Variants in FER observed in about 807,000 individuals in gnomAD.
FER encodes the protein tyrosine-protein kinase Fer.
FER carries 63 observed loss-of-function variants against 111.0 expected under a neutral mutation model. That is an observed-to-expected ratio of 0.57 (90% CI 0.46 to 0.70). The LOEUF (loss-of-function observed/expected upper bound fraction) is 0.70. Ranked by LOEUF, FER falls within the 30% of genes least tolerant of loss-of-function variation. The pLI is 0.00. For missense variants in FER, 914 were observed against 954.0 expected (o/e 0.96, Z 0.55); for synonymous variants, 327 against 313.9 (o/e 1.04, Z -0.44).
intron 16 of FER, among the ~76,000 whole-genome samples, chr5:109,057,841 A>C (rs1419965149): frequency 6.6e-6 from 1 of 152,236 alleles, no homozygotes; most frequent in Non-Finnish European, 1.5e-5. Context: ...CCACTGAAAA[A>C]GTTGAAATTG....
intron 17 of FER, among the ~76,000 whole-genome samples, chr5:109,166,701 AC>A (rs1405696450): frequency 1.3e-5 from 2 of 152,178 alleles, no homozygotes; most frequent in African/African-American, 4.8e-5. Flanking sequence ...CTCAGGAATC[AC>A]TTTTGTAGCT....
Position 108,872,226 on chromosome 5 carries a change from A to G in FER, c.923+14A>G, listed in dbSNP as rs2150248717. 2 of 1,590,568 alleles carry G rather than the reference A, an allele frequency of 1.3e-6. No homozygotes were observed. The highest frequency in any genetic ancestry group is 4.5e-5 in the East Asian group (2 of 44,280). ...TTTGCAAGTAATGTAAGTATTCACA[A>G]AATATCAACAGTTTAAATACTAGTA... On this transcript the variant is annotated intron_variant, in intron 8 of 19. Coordinates refer to ENST00000281092, the MANE Select transcript of FER (RefSeq NM_005246.4).
intron 3 of FER, among the ~76,000 whole-genome samples, chr5:108,819,573 C>T (rs895435808): frequency 6.6e-6 from 1 of 152,002 alleles, no homozygotes; most frequent in African/African-American, 2.4e-5. Flanking sequence ...AAGAGAAGGC[C>T]TGCTGCGAGT....
chr5:109,018,020 G>C (rs1767423841), intron 13 of FER, among the ~76,000 whole-genome samples: 1 of 151,846 alleles, frequency 6.6e-6, no homozygotes, highest in East Asian at 1.9e-4. Context: ...TGTAATAGTA[G>C]GGAAAGAAAG....
chr5:108,993,817 C>G (rs1035486593), intron 13 of FER, among the ~76,000 whole-genome samples: 14 of 152,128 alleles, frequency 9.2e-5, no homozygotes, highest in Non-Finnish European at 1.8e-4. Context: ...TTGATAGTTG[C>G]CCTTCTGACT....
intron 2 of FER, among the ~76,000 whole-genome samples, chr5:108,787,988 A>G (rs1344043873): frequency 1.1e-4 from 17 of 152,208 alleles, no homozygotes; most frequent in African/African-American, 3.4e-4. Flanking sequence ...CTGTAACACG[A>G]GCACAGTAGA....
At chr5:109,034,281 A>G (rs1203887907) in intron 13 of FER, among the ~76,000 whole-genome samples, 1 of 152,162 alleles carries the variant, frequency 6.6e-6, no homozygotes, top group Non-Finnish European at 1.5e-5. Context: ...TTCAACTTTG[A>G]TATGACAGGC....
intron 1 of FER, among the ~76,000 whole-genome samples, chr5:108,764,559 G>A (rs1238264810): frequency 1.3e-5 from 2 of 151,816 alleles, no homozygotes; most frequent in Non-Finnish European, 2.9e-5. Flanking sequence ...CACCATGCCC[G>A]GCTGATTTTG....
intron 10 of FER, among the ~76,000 whole-genome samples, chr5:108,937,639 G>A (rs1031112366): frequency 4.6e-5 from 7 of 152,008 alleles, no homozygotes; most frequent in Middle Eastern, 3.4e-3. Context: ...TAGTCTGAGA[G>A]GTTGGAGGAT....
intron 13 of FER, among the ~76,000 whole-genome samples, chr5:109,024,262 C>T (rs985632973): frequency 1.3e-5 from 2 of 152,150 alleles, no homozygotes; most frequent in African/African-American, 2.4e-5. Flanking sequence ...TGGAATAGTA[C>T]ATAATACTCC....
chr5:108,820,828 A>G (rs1758759287), intron 3 of FER, among the ~76,000 whole-genome samples: 1 of 152,180 alleles, frequency 6.6e-6, no homozygotes, highest in Non-Finnish European at 1.5e-5. Flanking sequence ...GAAATACTTG[A>G]AATAACAGAG....
At chr5:108,862,916 T>G (rs1407305482) in intron 5 of FER, among the ~76,000 whole-genome samples, 1 of 152,042 alleles carries the variant, frequency 6.6e-6, no homozygotes, top group Non-Finnish European at 1.5e-5. Context: ...CAGGAGTTAG[T>G]GAACTTTTAC....
intron 5 of FER, among the ~76,000 whole-genome samples, chr5:108,866,472 T>TCTTGTTAA (rs1764075640): frequency 6.6e-6 from 1 of 151,914 alleles, no homozygotes; most frequent in Non-Finnish European, 1.5e-5. Context: ...CCTTAGGAGA[T>TCTTGTTAA]ATACCTAATG....
chr5:108,860,172 A>T (rs1413612987), intron 5 of FER, among the ~76,000 whole-genome samples: 2 of 151,698 alleles, frequency 1.3e-5, no homozygotes, highest in Non-Finnish European at 2.9e-5. Context: ...CAAACTCCTG[A>T]CCTCATGATC....
rs578227600 is a variant in FER, at chr5:108,931,781, G to A, written c.1237-14349G>A. Among the ~76,000 whole-genome samples, 13 of 152,120 alleles carry A rather than the reference G, an allele frequency of 8.5e-5. 1 individual carries two copies. The South Asian group carries it at 2.7e-3, about 32-fold the overall frequency. On this transcript the variant is annotated intron_variant, in intron 10 of 19. Coordinates refer to ENST00000281092, the MANE Select transcript of FER (RefSeq NM_005246.4). ...GGAGGTGGAGGTTGCAGTGAGCCAA[G>A]AATGCACCATTGCACTCCACCCTAG...
chr5:108,968,809 T>C (rs1231884130), intron 13 of FER, among the ~76,000 whole-genome samples: 2 of 152,034 alleles, frequency 1.3e-5, no homozygotes, highest in Non-Finnish European at 2.9e-5. Flanking sequence ...CACAAAAGGG[T>C]GAATCTCTTC....
chr5:109,064,466 T>C (rs533270251), intron 16 of FER, among the ~76,000 whole-genome samples: 1 of 152,212 alleles, frequency 6.6e-6, no homozygotes, highest in South Asian at 2.1e-4. Context: ...AAAGAAAATA[T>C]ATCTATAACT....
intron 2 of FER, among the ~76,000 whole-genome samples, chr5:108,777,028 C>T (rs956823498): frequency 2.0e-5 from 3 of 152,176 alleles, no homozygotes; most frequent in African/African-American, 7.2e-5. Context: ...TTAACCTCGT[C>T]ATGCCAGGCA....
intron 10 of FER, among the ~76,000 whole-genome samples, chr5:108,933,470 A>C (rs1161601326): frequency 6.6e-6 from 1 of 152,186 alleles, no homozygotes; most frequent in Non-Finnish European, 1.5e-5. Context: ...TTTTGGTACC[A>C]GTACCATGCT....
Sources: allele counts gnomAD v4.1 joint callset (sites outside exome capture counted in the v4.1 genomes callset), GRCh38; gene constraint gnomAD v4.1.1; transcripts MANE v1.5; gene names NCBI Gene and HGNC (gene_info 2026-07-23, HGNC 2026-07-21).